The following CALN1 variants were observed in gnomAD, a reference collection of about 807,000 sequenced individuals.
CALN1 encodes the protein calcium-binding protein 8.
A neutral mutation model predicts 30.6 loss-of-function variants in CALN1; 17 were observed. That is an observed-to-expected ratio of 0.56 (90% CI 0.38 to 0.83). The LOEUF (loss-of-function observed/expected upper bound fraction) is 0.83, where lower values mean the gene tolerates loss of function less well. Among genes scored for constraint, CALN1 ranks in the 40% least tolerant of loss-of-function variants. The pLI is 0.00. For missense variants in CALN1, 291 were observed against 354.9 expected, an observed-to-expected ratio of 0.82 and a Z score of 1.45; for synonymous variants, 156 against 131.4, an observed-to-expected ratio of 1.19 and a Z score of -1.28.
intron 2 of CALN1, among the ~76,000 whole-genome samples, chr7:72,290,878 G>C (rs894341883): frequency 6.6e-6 from 1 of 150,732 alleles, no homozygotes; most frequent in Non-Finnish European, 1.5e-5. Context: ...TTTTCACTGA[G>C]TATCAATCTT....
the CALN1 span, among the ~76,000 whole-genome samples, chr7:72,476,158 A>G: frequency 6.6e-6 from 1 of 151,974 alleles, no homozygotes; most frequent in Non-Finnish European, 1.5e-5. Context: ...CATGTTGGCC[A>G]GGCTGGTCTC....
chr7:72,060,235 G>A (rs1803554735), intron 4 of CALN1, among the ~76,000 whole-genome samples: 1 of 152,142 alleles, frequency 6.6e-6, no homozygotes, highest in Non-Finnish European at 1.5e-5. Context: ...ATGCTCTGAA[G>A]GAGAACCTTT....
At chr7:71,933,191 C>A (rs1049122789) in intron 5 of CALN1, among the ~76,000 whole-genome samples, 3 of 152,014 alleles carry the variant, frequency 2.0e-5, no homozygotes, top group African/African-American at 7.2e-5. Context: ...CTTTGCCAGC[C>A]GTATGTACAG....
chr7:72,196,158 G>A (rs1790984911), intron 3 of CALN1, among the ~76,000 whole-genome samples: 1 of 151,788 alleles, frequency 6.6e-6, no homozygotes, highest in Admixed American at 6.6e-5. Context: ...TGTCACCCAG[G>A]CTCCAGTGGA....
chr7:71,795,441 G>A (rs548419578), intron 6 of CALN1, among the ~76,000 whole-genome samples: 17 of 152,256 alleles, frequency 1.1e-4, no homozygotes, highest in African/African-American at 3.6e-4. Flanking sequence ...TAATGATCTA[G>A]CTTTCAATAT....
chr7:72,324,170 C>T (rs140533989), intron 2 of CALN1, among the ~76,000 whole-genome samples: 1 of 152,206 alleles, frequency 6.6e-6, no homozygotes, highest in African/African-American at 2.4e-5. Context: ...CCCCAGGAGA[C>T]TCCTGGGATG....
chr7:71,873,001 A>ATTTTTTTTTTT (rs371153112), intron 5 of CALN1, among the ~76,000 whole-genome samples: 3 of 115,620 alleles, frequency 2.6e-5, no homozygotes, highest in South Asian at 2.7e-4. Context: ...GTTTGTGACA[A>ATTTTTTTTTTT]TTTTTTTTTT....
chr7:71,795,818 T>TTTTTC (rs1448431976), intron 6 of CALN1, among the ~76,000 whole-genome samples: 2 of 140,006 alleles, frequency 1.4e-5, no homozygotes, highest in East Asian at 4.3e-4. Context: ...TTCATTCTTT[T>TTTTTC]TTTTTTTTTT....
At chr7:72,054,046 G>A (rs530271782) in intron 4 of CALN1, among the ~76,000 whole-genome samples, 2 of 152,200 alleles carry the variant, frequency 1.3e-5, no homozygotes, top group South Asian at 4.2e-4. Flanking sequence ...CTCATTGATT[G>A]ATGGGCATTT....
chr7:71,933,706 G>A (rs913750380), intron 5 of CALN1, among the ~76,000 whole-genome samples: 1 of 152,196 alleles, frequency 6.6e-6, no homozygotes, highest in South Asian at 2.1e-4. Context: ...AGGTTTTTAT[G>A]TTCTAGAATT....
intron 2 of CALN1, among the ~76,000 whole-genome samples, chr7:72,349,610 T>A (rs1042053227): frequency 5.3e-5 from 8 of 152,244 alleles, no homozygotes; most frequent in Non-Finnish European, 8.8e-5. Flanking sequence ...GGAACATTTT[T>A]AATGTGCTGA....
chr7:71,841,997 T>C (rs1210767561), intron 5 of CALN1, among the ~76,000 whole-genome samples: 1 of 147,014 alleles, frequency 6.8e-6, no homozygotes, highest in Non-Finnish European at 1.5e-5. Flanking sequence ...CTCCTGAATC[T>C]AAAAAAGAAA....
intron 4 of CALN1, among the ~76,000 whole-genome samples, chr7:72,090,293 T>A (rs1308625195): frequency 6.6e-6 from 1 of 151,998 alleles, no homozygotes; most frequent in Non-Finnish European, 1.5e-5. Flanking sequence ...CAGAGCTCCA[T>A]CCGAAAAAGA....
intron 5 of CALN1, among the ~76,000 whole-genome samples, chr7:71,925,010 G>GCTACT (rs1795188215): frequency 6.6e-6 from 1 of 152,232 alleles, no homozygotes; most frequent in African/African-American, 2.4e-5. Flanking sequence ...GGAGGCCGAG[G>GCTACT]TGGGCAGACT....
chr7:72,306,802 C>T (rs553733295), intron 2 of CALN1, among the ~76,000 whole-genome samples: 1 of 151,992 alleles, frequency 6.6e-6, no homozygotes, highest in African/African-American at 2.4e-5. Flanking sequence ...TAAGCTGTGC[C>T]CTGACCACCG....
intron 2 of CALN1, among the ~76,000 whole-genome samples, chr7:72,336,456 G>C (rs934619053): frequency 6.6e-5 from 10 of 151,986 alleles, no homozygotes; most frequent in African/African-American, 2.4e-4. Flanking sequence ...ACGTCCCCAG[G>C]CAGGCGGCCA....
intron 3 of CALN1, among the ~76,000 whole-genome samples, chr7:72,168,565 C>T (rs762424768): frequency 1.3e-5 from 2 of 152,010 alleles, no homozygotes; most frequent in African/African-American, 2.4e-5. Flanking sequence ...GACGTGGCAC[C>T]CATCTGTCTC....
At chr7:72,471,061 C>T in the CALN1 span, among the ~76,000 whole-genome samples, 3,679 of 152,190 alleles carry the variant, frequency 0.024, 79 homozygotes, top group Non-Finnish European at 0.035. Context: ...GTCAAGCAAT[C>T]CTCCCACCTC....
rs577914826 is a variant in CALN1, at chr7:72,198,946, T to A, written c.244+79740A>T. 4.7e-3 allele frequency among the ~76,000 whole-genome samples: 716 copies of A among 152,190 alleles called. 6 individuals are homozygous for A. The highest frequency in any genetic ancestry group is 0.01 in the Middle Eastern group (3 of 294). On this transcript the variant is annotated intron_variant, in intron 3 of 6. Transcript: ENST00000395275. ...AAAGGCACCCTTAAGAAAGGATCTG[T>A]CCAGAACCATCTGAAGAATGAGTAG... is the stretch of plus-strand genomic sequence containing the variant.
Sources: gnomAD v4.1 joint callset for allele counts (sites outside exome capture counted in the v4.1 genomes callset) on GRCh38, gnomAD v4.1.1 for gene constraint, MANE v1.5 for transcripts, NCBI Gene and HGNC (gene_info 2026-07-23, HGNC 2026-07-21) for gene names.